ASAP2: variants seen among roughly 807,000 people sequenced by gnomAD.
ASAP2 encodes ArfGAP with SH3 domain, ankyrin repeat and PH domain 2, also known as arf-GAP with SH3 domain, ANK repeat and PH domain-containing protein 2.
A neutral mutation model predicts 131.4 loss-of-function variants in ASAP2; 45 were observed. That is an observed-to-expected ratio of 0.34 (90% confidence interval 0.27 to 0.44). The LOEUF is 0.44. Ranked by LOEUF, ASAP2 falls within the 20% of genes least tolerant of loss-of-function variation. The pLI, the probability that ASAP2 is intolerant of heterozygous loss-of-function variation, is 1.00. For synonymous variants in ASAP2, 510 were observed against 503.0 expected (o/e 1.01, Z -0.19); for missense variants, 1,011 against 1,297.0 (o/e 0.78, Z 3.39).
chr2:9,388,252 C>G, intron 21 of ASAP2, 42 bp from the exon 22 acceptor site: 1 of 1,607,884 alleles, frequency 6.2e-7, no homozygotes, highest in South Asian at 1.1e-5. Context: ...AGGAGCAGTT[C>G]ATATTTGTCT....
chr2:9,224,903 G>A (rs1662657772), intron 1 of ASAP2, among the ~76,000 whole-genome samples: 1 of 152,202 alleles, frequency 6.6e-6, no homozygotes, highest in African/African-American at 2.4e-5. Flanking sequence ...CTCCTTGCAT[G>A]CTGGGCTGTG....
chr2:9,276,369 A>G (rs890514853), intron 1 of ASAP2, among the ~76,000 whole-genome samples: 2 of 152,114 alleles, frequency 1.3e-5, no homozygotes, highest in Non-Finnish European at 2.9e-5. Flanking sequence ...AGCTTGGGGT[A>G]CATGTGAAAG....
chr2:9,405,282 A>G lies in ASAP2; in HGVS notation c.*1955A>G, dbSNP rs1558412134. ...TTATTTGCTCCTTGCAAATTAAAAA[A>G]GCAACTAAGAGAAAGAAAAACATTG... is the stretch of plus-strand genomic sequence containing the variant. On this transcript the variant is annotated 3_prime_UTR_variant, in exon 28 of 28. Coordinates refer to ENST00000281419, the MANE Select transcript of ASAP2 (RefSeq NM_003887.3). 6.6e-6 allele frequency: 1 copy of G among 152,294 alleles called. No individual in the cohort carries two copies. Among genetic ancestry groups the G allele is most frequent in the African/African-American group, 2.4e-5 (1 of 41,470 alleles). 9.4% of individuals were successfully genotyped at this position (152,294 alleles called of 1,614,324 possible).
At chr2:9,325,547 A>G (rs1176718979) in intron 6 of ASAP2, among the ~76,000 whole-genome samples, 5 of 152,210 alleles carry the variant, frequency 3.3e-5, no homozygotes, top group Non-Finnish European at 7.3e-5. Context: ...CTTTAAGACT[A>G]CTTAAAATGC....
chr2:9,397,523 G>A (rs2148817394), intron 24 of ASAP2, among the ~76,000 whole-genome samples: 1 of 151,948 alleles, frequency 6.6e-6, no homozygotes, highest in East Asian at 1.9e-4. Context: ...CGCCCTCCTT[G>A]TGAAGGATGC....
At chr2:9,367,297 TG>T (rs1460926734) in intron 15 of ASAP2, among the ~76,000 whole-genome samples, 1 of 151,592 alleles carries the variant, frequency 6.6e-6, no homozygotes, top group African/African-American at 2.4e-5. Context: ...CCTCCCAAAG[TG>T]GTAGGAATAC....
chr2:9,276,759 C>T (rs868698480), intron 1 of ASAP2, among the ~76,000 whole-genome samples: 7 of 152,136 alleles, frequency 4.6e-5, no homozygotes, highest in African/African-American at 1.4e-4. Flanking sequence ...AGGCTGGCCT[C>T]GAACTCCTGA....
chr2:9,298,077 G>A (rs546384234), intron 3 of ASAP2, among the ~76,000 whole-genome samples: 1 of 152,298 alleles, frequency 6.6e-6, no homozygotes, highest in Non-Finnish European at 1.5e-5. Context: ...GAAGAAGTGG[G>A]CAGCCCAAGA....
At chr2:9,315,736 G>T (rs559200627) in intron 3 of ASAP2, among the ~76,000 whole-genome samples, 2 of 152,254 alleles carry the variant, frequency 1.3e-5, no homozygotes, top group Admixed American at 1.3e-4. Context: ...GTTTGTCCTT[G>T]TTCCTTCCAG....
At chr2:9,275,403 A>G (rs1666696691) in intron 1 of ASAP2, among the ~76,000 whole-genome samples, 1 of 152,168 alleles carries the variant, frequency 6.6e-6, no homozygotes. Context: ...CGGTTGACCC[A>G]AACTCCTGTA....
chr2:9,308,412 C>T (rs888719589), intron 3 of ASAP2, among the ~76,000 whole-genome samples: 11 of 152,220 alleles, frequency 7.2e-5, no homozygotes, highest in Admixed American at 2.6e-4. Context: ...TGAGTCATCT[C>T]CCACCAGGCC....
chr2:9,224,169 G>C (rs777446962), intron 1 of ASAP2, among the ~76,000 whole-genome samples: 27 of 152,162 alleles, frequency 1.8e-4, no homozygotes, highest in Non-Finnish European at 2.6e-4. Context: ...TTGCTGAGCA[G>C]TGCGAGGGAA....
chr2:9,400,228 GCC>G (rs1553332978), intron 25 of ASAP2, among the ~76,000 whole-genome samples, 156 bp downstream of exon 25: 1 of 13,884 alleles, frequency 7.2e-5, no homozygotes, highest in Non-Finnish European at 1.4e-4. Flanking sequence ...CTCCCCTCCT[GCC>G]CCCTCCCCTC....
chr2:9,379,136 T>A, intron 19 of ASAP2, 77 bp downstream of exon 19: 2 of 1,080,940 alleles, frequency 1.9e-6, no homozygotes, highest in East Asian at 3.1e-5. Context: ...CAAGCGCTGC[T>A]CTTGGAAACA....
At chr2:9,286,447 A>AAATATATATATATATAT (rs58605449) in intron 2 of ASAP2, among the ~76,000 whole-genome samples, 37 of 148,480 alleles carry the variant, frequency 2.5e-4, no homozygotes, top group African/African-American at 7.6e-4. Flanking sequence ...GAAAAAAAAA[A>AAATATATATATATATAT]ATATATATAT....
intron 3 of ASAP2, among the ~76,000 whole-genome samples, chr2:9,305,536 AATAGTGGGGTACAGATATTGGTGGAGG>A (rs1668846946): frequency 7.0e-6 from 1 of 143,234 alleles, no homozygotes; most frequent in African/African-American, 2.6e-5. Context: ...GAGGGGCTGT[AATAGTGGGGTACAGATATTGGTGGAGG>A]GGCTGTAGTA....
intron 15 of ASAP2, 145 bp downstream of exon 15, chr2:9,359,034 T>G (rs1558364831): frequency 9.4e-7 from 1 of 1,065,782 alleles, no homozygotes; most frequent in Non-Finnish European, 1.3e-6. Context: ...TCATTGATAA[T>G]TCTTCATTTT....
intron 1 of ASAP2, among the ~76,000 whole-genome samples, chr2:9,261,442 G>A (rs1339217327): frequency 6.6e-6 from 1 of 152,212 alleles, no homozygotes; most frequent in Admixed American, 6.5e-5. Context: ...TTCACAAGTG[G>A]TTGTAAATAT....
chr2:9,403,247 T>C lies in ASAP2; in HGVS notation c.2947-6T>C, dbSNP rs1676905830. 6.2e-7 allele frequency: 1 copy of C among 1,613,736 alleles called. No individual in the cohort carries two copies. The highest frequency in any genetic ancestry group is 8.5e-7 in the Non-Finnish European group (1 of 1,179,774). ...TAATAACAACCTACACTTTTCTCCA[T>C]TTCAGATTGGCCACATTGATGGAGA... On this transcript the variant is annotated splice_region_variant and splice_polypyrimidine_tract_variant and intron_variant, in intron 27 of 27. Transcript: ENST00000281419.
Sources: gnomAD v4.1 joint callset for allele counts (sites outside exome capture counted in the v4.1 genomes callset) on GRCh38, gnomAD v4.1.1 for gene constraint, MANE v1.5 for transcripts, NCBI Gene and HGNC (gene_info 2026-07-23, HGNC 2026-07-21) for gene names.